The following LAMA3 variants were observed in gnomAD, a reference collection of about 807,000 sequenced individuals.
LAMA3 encodes the protein laminin subunit alpha-3.
LAMA3 carries 281 observed loss-of-function variants against 402.0 expected under a neutral mutation model. The observed-to-expected ratio is 0.70, with a 90% CI of 0.63 to 0.77. The LOEUF is 0.77. Among genes scored for constraint, LAMA3 ranks in the 30% least tolerant of loss-of-function variants. The pLI, the probability that LAMA3 is intolerant of heterozygous loss-of-function variation, is 0.00. For synonymous variants in LAMA3, 1,431 were observed against 1,558.4 expected (o/e 0.92, Z 1.93); for missense variants, 3,840 against 4,215.5 (o/e 0.91, Z 2.47).
intron 32 of LAMA3, among the ~76,000 whole-genome samples, chr18:23,850,399 C>T (rs2063917474): frequency 6.6e-6 from 1 of 152,158 alleles, no homozygotes; most frequent in African/African-American, 2.4e-5. Flanking sequence ...TAAGTTGGAA[C>T]CATAAAACTG....
intron 68 of LAMA3, among the ~76,000 whole-genome samples, chr18:23,941,482 A>C (rs1328003594): frequency 6.6e-6 from 1 of 152,224 alleles, no homozygotes; most frequent in African/African-American, 2.4e-5. Flanking sequence ...TTAAAAAGTC[A>C]AACAGTAAAT....
chr18:23,819,792 G>C (rs745672659), intron 18 of LAMA3, 49 bp from the exon 19 acceptor site: 14 of 1,518,538 alleles, frequency 9.2e-6, no homozygotes, highest in Non-Finnish European at 1.2e-5. Context: ...ATGTTCAGAT[G>C]ATCTATGGAC....
rs571818843 is a variant in LAMA3 at position 23,932,197 on chromosome 18, A to G, written c.8614A>G (p.Ser2872Gly). The change falls in exon 66 of 75, where the codon AGC (serine) becomes GGC (glycine). Residue 2872 changes from serine to glycine, a missense_variant. This residue lies in a region of LAMA3 where 840 missense variants were observed against 981.9 expected (regional missense o/e 0.86). Coordinates refer to ENST00000313654, the MANE Select transcript of LAMA3 (RefSeq NM_198129.4). ...CATCGATGACCAGCTTCTGAGAAAT[A>G]GCAAAAGGCTAAAACACATTTCAAG... ...LLIDDQLLRNSKRLKHISSSR... is the reference protein window; with the variant it reads ...LLIDDQLLRNGKRLKHISSSR... 8 of 1,614,072 alleles carry G rather than the reference A, an allele frequency of 5.0e-6. No homozygotes were observed. Among genetic ancestry groups the G allele is most frequent in the Non-Finnish European group, 6.8e-6 (8 of 1,179,992 alleles).
rs539295621 is a variant in LAMA3, at chr18:23,892,776, G to A, written c.5411-1522G>A. 3.9e-5 allele frequency among the ~76,000 whole-genome samples: 6 copies of A among 151,968 alleles called. No homozygotes were observed. In the East Asian group the frequency reaches 7.7e-4, roughly 20 times the overall value. On this transcript the variant is annotated intron_variant, in intron 42 of 74. Transcript: ENST00000313654. ...AAATTAGCTGGGTGTGGTGGCAGAT[G>A]CCTGTAATCTCAGCTACTTGGGAGG... is the stretch of plus-strand genomic sequence containing the variant.
chr18:23,831,855 A>G (rs944863183), intron 23 of LAMA3, among the ~76,000 whole-genome samples: 1 of 152,212 alleles, frequency 6.6e-6, no homozygotes, highest in Admixed American at 6.5e-5. Flanking sequence ...CTAAAACACT[A>G]ATAACTAGTG....
At chr18:23,843,239 T>G (rs2063743739) in intron 29 of LAMA3, among the ~76,000 whole-genome samples, 1 of 152,214 alleles carries the variant, frequency 6.6e-6, no homozygotes, top group South Asian at 2.1e-4. Flanking sequence ...CACCCACATC[T>G]GTGAGGTCAT....
intron 54 of LAMA3, among the ~76,000 whole-genome samples, chr18:23,908,553 GGAAA>G (rs1040460470): frequency 1.3e-4 from 18 of 142,152 alleles, no homozygotes; most frequent in Middle Eastern, 3.6e-3. Context: ...AAAAAAAAAA[GGAAA>G]GAAAGAAAGA....
chr18:23,881,482 G>A (rs140933661), intron 39 of LAMA3, among the ~76,000 whole-genome samples: 5 of 152,292 alleles, frequency 3.3e-5, no homozygotes, highest in South Asian at 2.1e-4. Flanking sequence ...AAGAATTTAC[G>A]TTTCCCAAGA....
At chr18:23,753,904 T>C in intron 6 of LAMA3, 92 bp downstream of exon 6, 1 of 854,286 alleles carries the variant, frequency 1.2e-6, no homozygotes, top group Middle Eastern at 2.2e-4. Flanking sequence ...GTTTCTAGGT[T>C]CCTGTCCTCA....
chr18:23,727,024 C>G (rs779044472), intron 2 of LAMA3, among the ~76,000 whole-genome samples: 5 of 152,196 alleles, frequency 3.3e-5, no homozygotes, highest in Non-Finnish European at 5.9e-5. Context: ...GATATTTTCT[C>G]CCATTCTGCA....
At chr18:23,939,190 C>T (rs879073819) in intron 67 of LAMA3, 33 bp from the exon 68 acceptor site, 3 of 1,607,878 alleles carry the variant, frequency 1.9e-6, no homozygotes, top group Non-Finnish European at 2.6e-6. Flanking sequence ...TCACTCTTTC[C>T]CCTGATAATT....
At chr18:23,702,038 G>T (rs1181943138) in intron 1 of LAMA3, among the ~76,000 whole-genome samples, 3 of 152,142 alleles carry the variant, frequency 2.0e-5, no homozygotes, top group Non-Finnish European at 4.4e-5. Flanking sequence ...GAGAGACAGA[G>T]AGAGTGAGTG....
At chr18:23,698,276 G>A (rs1000025785) in intron 1 of LAMA3, among the ~76,000 whole-genome samples, 1 of 146,660 alleles carries the variant, frequency 6.8e-6, no homozygotes, top group Non-Finnish European at 1.5e-5. Context: ...GCGCGATCTC[G>A]GCTCACTGCG....
At chr18:23,952,085 G>T (rs1214096234) in intron 73 of LAMA3, among the ~76,000 whole-genome samples, 1 of 152,184 alleles carries the variant, frequency 6.6e-6, no homozygotes, top group Non-Finnish European at 1.5e-5. Context: ...TTAGATTTTG[G>T]CTCTGAAGTT....
At chr18:23,907,366 C>G (rs1212317361) in intron 52 of LAMA3, among the ~76,000 whole-genome samples, 184 bp from the exon 53 acceptor site, 1 of 152,088 alleles carries the variant, frequency 6.6e-6, no homozygotes, top group Non-Finnish European at 1.5e-5. Flanking sequence ...TGCTGCTGAC[C>G]TCTGTAACTG....
rs774133746 is a variant in LAMA3 at position 23,928,148 on chromosome 18, C to T, written c.8203C>T (p.Arg2735Ter). The change falls in exon 63 of 75, where the codon CGA (arginine) becomes TGA (stop). Residue 2735 changes from arginine (R) to a stop codon, truncating the protein, a stop_gained. Transcript: ENST00000313654. LOFTEE classifies it high-confidence loss of function. ...ERFNISTPAFRGCMKNLKKTS... is the reference protein window; with the variant it reads ...ERFNISTPAF ...ATTTAACATTTCTACGCCTGCTTTC[C>T]GAGGCTGCATGAAAAATTTGAAGAA... The T allele has an allele frequency of 1.2e-5, 19 of 1,613,438 alleles. No homozygotes were observed. The highest frequency in any genetic ancestry group is 3.3e-5 in the Admixed American group (2 of 59,980).
At chr18:23,822,938 G>A (rs1294897501) in intron 20 of LAMA3, among the ~76,000 whole-genome samples, 1 of 152,204 alleles carries the variant, frequency 6.6e-6, no homozygotes, top group African/African-American at 2.4e-5. Context: ...CAGAGAGAAG[G>A]CCCGCAGGTC....
At chr18:23,902,245 G>A (rs2081096114) in intron 48 of LAMA3, among the ~76,000 whole-genome samples, 1 of 152,020 alleles carries the variant, frequency 6.6e-6, no homozygotes. Flanking sequence ...AGGATCGCTT[G>A]AACACACTGG....
Position 23,816,456 on chromosome 18 carries a change from C to G in LAMA3, c.2116C>G (p.Arg706Gly), listed in dbSNP as rs759225610. The change falls in exon 18 of 75, where the codon CGA becomes GGA. Residue 706 changes from arginine to glycine, a missense_variant. By Grantham distance (125) the Arg-to-Gly change is moderately radical (BLOSUM62 -2). This residue lies in a region of LAMA3 where 2,109 missense variants were observed against 2,376.0 expected (regional missense o/e 0.89). Transcript: ENST00000313654. ...TGGGCCCTCGGGAGTGTGCCAGTGC[C>G]GAGAGCATGTCGTGGGAAAGGTGTG... ...CSGPSGVCQCREHVVGKVCQR... is the reference protein window; with the variant it reads ...CSGPSGVCQCGEHVVGKVCQR... The G allele has an allele frequency of 6.2e-7, 1 of 1,613,842 alleles. No homozygotes were observed. Among genetic ancestry groups the G allele is most frequent in the African/African-American group, 1.3e-5 (1 of 74,864 alleles).
Sources: allele counts gnomAD v4.1 joint callset (sites outside exome capture counted in the v4.1 genomes callset), GRCh38; gene constraint gnomAD v4.1.1; regional missense constraint gnomAD v4.1.1; transcripts MANE v1.5; gene names NCBI Gene and HGNC (gene_info 2026-07-23, HGNC 2026-07-21).